The following NCAM2 variants were observed in gnomAD, a reference collection of about 807,000 sequenced individuals.
NCAM2 encodes the protein neural cell adhesion molecule 2.
NCAM2 carries 30 observed loss-of-function variants against 98.1 expected under a neutral mutation model. The observed-to-expected ratio is 0.31, with a 90% CI of 0.23 to 0.41. NCAM2 has a LOEUF of 0.41. Ranked by LOEUF, NCAM2 falls within the 10% of genes least tolerant of loss-of-function variation. The probability of loss-of-function intolerance (pLI) is 1.00; values close to 1 mark genes in which losing one functional copy is unlikely to be tolerated. For synonymous variants in NCAM2, 368 were observed against 342.4 expected (o/e 1.07, Z -0.83); for missense variants, 867 against 1,005.8 (o/e 0.86, Z 1.87).
intron 1 of NCAM2, among the ~76,000 whole-genome samples, chr21:21,027,669 A>G (rs2064579463): frequency 6.6e-6 from 1 of 152,206 alleles, no homozygotes; most frequent in South Asian, 2.1e-4. Context: ...CTTAACACCT[A>G]CAGGGAGTTT....
At chr21:21,231,421 AAGAAAC>A (rs929067493) in intron 1 of NCAM2, among the ~76,000 whole-genome samples, 66 of 151,440 alleles carry the variant, frequency 4.4e-4, no homozygotes, top group Middle Eastern at 3.4e-3. Flanking sequence ...CTTTTGGAAA[AAGAAAC>A]AGAATATAAA....
intron 1 of NCAM2, among the ~76,000 whole-genome samples, chr21:21,244,482 TTAAA>T (rs1195846970): frequency 3.9e-5 from 6 of 152,186 alleles, no homozygotes; most frequent in Non-Finnish European, 7.3e-5. Context: ...AAAAATTACC[TTAAA>T]TAATTTTGTT....
intron 4 of NCAM2, among the ~76,000 whole-genome samples, chr21:21,289,404 G>A (rs2073212504): frequency 6.6e-6 from 1 of 151,808 alleles, no homozygotes; most frequent in Non-Finnish European, 1.5e-5. Flanking sequence ...TGGTAATAAA[G>A]GATGATAAAA....
intron 1 of NCAM2, among the ~76,000 whole-genome samples, chr21:21,244,113 A>T (rs780086460): frequency 1.3e-5 from 2 of 152,172 alleles, no homozygotes; most frequent in Non-Finnish European, 2.9e-5. Flanking sequence ...AAGTAACTGT[A>T]ATAATGTGAG....
chr21:21,082,225 T>TAAAAAAAAAAAAA (rs57713170), intron 1 of NCAM2, among the ~76,000 whole-genome samples: 6 of 82,912 alleles, frequency 7.2e-5, no homozygotes, highest in African/African-American at 2.7e-4. Flanking sequence ...GAGAATCCTT[T>TAAAAAAAAAAAAA]AAAAAAAAAA....
intron 6 of NCAM2, among the ~76,000 whole-genome samples, chr21:21,333,398 C>T (rs758013814): frequency 2.0e-5 from 3 of 152,094 alleles, no homozygotes; most frequent in Non-Finnish European, 4.4e-5. Context: ...GTCATATCTC[C>T]CGTTATAACA....
chr21:21,367,649 G>A (rs2075819894), intron 8 of NCAM2, among the ~76,000 whole-genome samples: 1 of 151,878 alleles, frequency 6.6e-6, no homozygotes. Flanking sequence ...TTATTGCTTA[G>A]ATCTGCATAT....
chr21:21,020,292 TC>T (rs1229451676), intron 1 of NCAM2, among the ~76,000 whole-genome samples: 2 of 152,138 alleles, frequency 1.3e-5, no homozygotes, highest in Non-Finnish European at 2.9e-5. Flanking sequence ...CGCCTCGGCC[TC>T]CCAAAGAGCT....
intron 5 of NCAM2, among the ~76,000 whole-genome samples, chr21:21,312,617 T>A (rs2074092281): frequency 7.7e-6 from 1 of 130,600 alleles, no homozygotes; most frequent in Non-Finnish European, 1.6e-5. Context: ...TACAGCTAGA[T>A]TTTTTTTCTA....
chr21:21,131,434 G>A (rs1296425237), intron 1 of NCAM2, among the ~76,000 whole-genome samples: 1 of 151,932 alleles, frequency 6.6e-6, no homozygotes, highest in Admixed American at 6.6e-5. Flanking sequence ...CCACCACACT[G>A]GGCTAATTTT....
chr21:21,518,291 CAT>C (rs1408280934), intron 16 of NCAM2, among the ~76,000 whole-genome samples: 1 of 152,064 alleles, frequency 6.6e-6, no homozygotes, highest in Non-Finnish European at 1.5e-5. Flanking sequence ...AATTAGATAA[CAT>C]ATTTCAGTTC....
At chr21:21,206,635 G>A (rs776824291) in intron 1 of NCAM2, among the ~76,000 whole-genome samples, 16 of 151,634 alleles carry the variant, frequency 1.1e-4, no homozygotes, top group Middle Eastern at 3.2e-3. Flanking sequence ...TAGGTTACAG[G>A]TGTTGTTATA....
intron 12 of NCAM2, among the ~76,000 whole-genome samples, chr21:21,433,186 A>C (rs748492827): frequency 2.0e-5 from 3 of 152,194 alleles, no homozygotes; most frequent in Non-Finnish European, 4.4e-5. Context: ...AAGTATCAGA[A>C]ACATTAATCA....
intron 1 of NCAM2, among the ~76,000 whole-genome samples, chr21:21,058,994 G>A (rs1194350433): frequency 1.3e-5 from 2 of 151,916 alleles, no homozygotes; most frequent in East Asian, 3.9e-4. Flanking sequence ...TAATATCCCA[G>A]ATATTTCCTT....
intron 1 of NCAM2, among the ~76,000 whole-genome samples, chr21:21,244,446 T>C (rs2071183359): frequency 6.6e-6 from 1 of 152,190 alleles, no homozygotes; most frequent in African/African-American, 2.4e-5. Flanking sequence ...TGAAATTTTG[T>C]TATCGATAAT....
chr21:21,035,627 T>G (rs2064780156), intron 1 of NCAM2, among the ~76,000 whole-genome samples: 1 of 152,142 alleles, frequency 6.6e-6, no homozygotes, highest in African/African-American at 2.4e-5. Flanking sequence ...TGTGTCCAGT[T>G]TTTTTTCCAT....
chr21:21,016,729 T>G (rs9984671), intron 1 of NCAM2, among the ~76,000 whole-genome samples: 74,265 of 151,968 alleles, frequency 0.49, 18,622 homozygotes, highest in East Asian at 0.75. Flanking sequence ...TATATCTGCT[T>G]ATATATTATT....
rs946290630 is a variant in NCAM2, at chr21:21,538,727, G to T, written c.*770G>T. 2 of 152,004 alleles carry T rather than the reference G, an allele frequency of 1.3e-5. No individual in the cohort carries two copies. The highest frequency in any genetic ancestry group is 4.8e-5 in the African/African-American group (2 of 41,400). The allele number at this position is 152,004 out of a possible 1,614,324, so 9.4% of individuals were successfully genotyped here. On this transcript the variant is annotated 3_prime_UTR_variant, in exon 18 of 18. Coordinates refer to ENST00000400546, the MANE Select transcript of NCAM2 (RefSeq NM_004540.5). Reference sequence around the variant, plus strand: ...AGTGTATTGCAAGTGAAATAATATTGATTTCTGCCCTCAGCTTCAAATAAA... The same window carrying T: ...AGTGTATTGCAAGTGAAATAATATTTATTTCTGCCCTCAGCTTCAAATAAA...
At chr21:21,249,399 C>T (rs796833229) in intron 1 of NCAM2, among the ~76,000 whole-genome samples, 13 of 152,240 alleles carry the variant, frequency 8.5e-5, no homozygotes, top group African/African-American at 2.6e-4. Context: ...CCCCAGGATA[C>T]TGAAACAATA....
Sources: gnomAD v4.1 joint callset for allele counts (sites outside exome capture counted in the v4.1 genomes callset) on GRCh38, gnomAD v4.1.1 for gene constraint, MANE v1.5 for transcripts, NCBI Gene and HGNC (gene_info 2026-07-23, HGNC 2026-07-21) for gene names.